Variants in TACC1 observed in about 807,000 individuals in gnomAD.
TACC1 encodes the protein transforming acidic coiled-coil containing protein 1.
Under a neutral mutation model 84.4 loss-of-function variants are expected in TACC1, and 48 were observed. That is an observed-to-expected ratio of 0.57 (90% CI 0.45 to 0.72). The LOEUF (loss-of-function observed/expected upper bound fraction) is 0.72, where lower values mean the gene tolerates loss of function less well. Among genes scored for constraint, TACC1 ranks in the 30% least tolerant of loss-of-function variants. The pLI is 0.00. For synonymous variants in TACC1, 372 were observed against 376.3 expected, an observed-to-expected ratio of 0.99 and a Z score of 0.13; for missense variants, 920 against 973.0, an observed-to-expected ratio of 0.95 and a Z score of 0.72.
chr8:38,846,463 C>A, intron 11 of TACC1: 16 of 355,406 alleles, frequency 4.5e-5, no homozygotes, highest in Non-Finnish European at 7.1e-5. Flanking sequence ...AAATCTAAGA[C>A]TGTTATAGAA....
In TACC1 at chr8:38,827,537, A is replaced by G. The variant is rs913792282; in HGVS notation, c.1660+162A>G. On this transcript the variant is annotated intron_variant, in intron 5 of 12. Coordinates refer to ENST00000317827, the MANE Select transcript of TACC1 (RefSeq NM_006283.3). The stretch of plus-strand genomic sequence containing the variant: ...TTGCTTCTTTACCTGGAAAAGGGAC[A>G]CAAAGTGCTTATTGAAGTACTAGGA... 5.8e-6 allele frequency: 4 copies of G among 693,054 alleles called. No homozygotes were observed. The African/African-American group carries it at 7.2e-5, about 12-fold the overall frequency. The allele number at this position is 693,054 out of a possible 1,614,324, so 42.9% of individuals were successfully genotyped here.
chr8:38,744,627 GA>G (rs1807718752), intron 2 of TACC1, among the ~76,000 whole-genome samples: 1 of 152,150 alleles, frequency 6.6e-6, no homozygotes, highest in Non-Finnish European at 1.5e-5. Context: ...TTTGAGAGAT[GA>G]CAGACTTATT....
chr8:38,820,377 C>A lies in TACC1; in HGVS notation c.1133C>A (p.Ser378Tyr). 6.2e-7 allele frequency: 1 copy of A among 1,614,148 alleles called. No homozygotes were observed. ...TDPVARDGPL[S>Y]QTSSKPDPSQ... ...CCAGTGGCACGAGACGGGCCTCTCT[C>A]CCAAACATCTTCCAAGCCAGATCCT... The change falls in exon 3 of 13, where the codon TCC becomes TAC. Residue 378 changes from serine (S) to tyrosine (Y), a missense_variant. By Grantham distance (144) the Ser-to-Tyr change is moderately radical. Coordinates refer to ENST00000317827, the MANE Select transcript of TACC1 (RefSeq NM_006283.3).
chr8:38,796,814 G>A (rs776230704), intron 2 of TACC1, among the ~76,000 whole-genome samples: 2 of 152,222 alleles, frequency 1.3e-5, no homozygotes, highest in Admixed American at 6.5e-5. Flanking sequence ...CTGTTTTATG[G>A]TAGATAGAGG....
intron 1 of TACC1, among the ~76,000 whole-genome samples, chr8:38,729,262 G>A (rs553730756): frequency 6.6e-6 from 1 of 152,344 alleles, no homozygotes; most frequent in African/African-American, 2.4e-5. Flanking sequence ...TCCGGGTGCA[G>A]GGATGTGGCA....
chr8:38,770,962 G>GC (rs1449824414), intron 3 of TACC1, among the ~76,000 whole-genome samples: 1 of 152,118 alleles, frequency 6.6e-6, no homozygotes, highest in East Asian at 1.9e-4. Flanking sequence ...GCACCCACCA[G>GC]CCCAGGGAAT....
chr8:38,786,262 A>G (rs961189629), upstream of TACC1, among the ~76,000 whole-genome samples: 1 of 152,196 alleles, frequency 6.6e-6, no homozygotes, highest in Non-Finnish European at 1.5e-5. Flanking sequence ...CAATCCCTAC[A>G]TGAAATCCCT....
chr8:38,806,088 G>T (rs1822627607), intron 2 of TACC1, among the ~76,000 whole-genome samples: 1 of 152,178 alleles, frequency 6.6e-6, no homozygotes, highest in South Asian at 2.1e-4. Flanking sequence ...CACTAATGAG[G>T]ACAGAGTAGA....
chr8:38,846,283 C>CAAAAAAAAA (rs538545237), intron 11 of TACC1: 1 of 59,654 alleles, frequency 1.7e-5, no homozygotes, highest in African/African-American at 7.0e-5. Flanking sequence ...GACTCCATCT[C>CAAAAAAAAA]AAAAAAAAAA....
Position 38,733,031 on chromosome 8 carries a change from C to T in TACC1, c.-675+4360C>T, listed in dbSNP as rs113100289. Among the ~76,000 whole-genome samples, 78 of 152,148 alleles carry T rather than the reference C, an allele frequency of 5.1e-4. 1 individual carries two copies. Among genetic ancestry groups the T allele is most frequent in the Non-Finnish European group, 8.7e-4 (59 of 68,040 alleles). Reference sequence around the variant, plus strand: ...GACTCGGCACCGGACAGGAGATGCACGGCATAATTGCATCTGAGCAAGGAG... The same window carrying T: ...GACTCGGCACCGGACAGGAGATGCATGGCATAATTGCATCTGAGCAAGGAG... On this transcript the variant is annotated intron_variant, in intron 1 of 14. Coordinates refer to the TACC1 transcript ENST00000518415.
intron 1 of TACC1, among the ~76,000 whole-genome samples, chr8:38,738,568 C>T (rs1563747065): frequency 6.6e-6 from 1 of 152,000 alleles, no homozygotes; most frequent in East Asian, 1.9e-4. Context: ...TCAAATTGTT[C>T]CAGCTTCGCC....
At chr8:38,809,709 G>A (rs1290047661) in intron 2 of TACC1, among the ~76,000 whole-genome samples, 1 of 152,088 alleles carries the variant, frequency 6.6e-6, no homozygotes, top group Non-Finnish European at 1.5e-5. Flanking sequence ...TGGGACTGAT[G>A]GTGAAGGAGT....
chr8:38,833,212 CAT>C (rs1829603513), intron 6 of TACC1, among the ~76,000 whole-genome samples: 2 of 152,196 alleles, frequency 1.3e-5, no homozygotes, highest in Non-Finnish European at 2.9e-5. Context: ...AGCCTGAAGC[CAT>C]AGTTTTTAGT....
At position 38,729,311 on chromosome 8, in the gene TACC1, G is replaced by A. The variant is rs572880613; in HGVS notation, c.-675+640G>A. On this transcript the variant is annotated intron_variant, in intron 1 of 14. Transcript: ENST00000518415. ...GGGCCCTTGAGCATCAGTGCCCTGCGTTTATGGACAGAACTCAGGTGCTGT... is the reference window on the plus strand; with the variant it reads ...GGGCCCTTGAGCATCAGTGCCCTGCATTTATGGACAGAACTCAGGTGCTGT... Among the ~76,000 whole-genome samples the A allele has an allele frequency of 3.5e-4, 54 of 152,304 alleles. 1 individual carries two copies. The South Asian group carries it at 0.011, about 31-fold the overall frequency.
At chr8:38,756,561 T>G (rs192056687) in intron 3 of TACC1, among the ~76,000 whole-genome samples, 1 of 152,196 alleles carries the variant, frequency 6.6e-6, no homozygotes, top group Admixed American at 6.5e-5. Flanking sequence ...GTTTGTTTGT[T>G]TGTTTGTTTT....
Position 38,840,280 on chromosome 8 carries a change from T to A in TACC1, c.1960+13T>A. 6.2e-7 allele frequency: 1 copy of A among 1,611,772 alleles called. No individual in the cohort carries two copies. Among genetic ancestry groups the A allele is most frequent in the South Asian group, 1.1e-5 (1 of 90,976 alleles). On this transcript the variant is annotated intron_variant, in intron 9 of 12. Coordinates refer to ENST00000317827, the MANE Select transcript of TACC1 (RefSeq NM_006283.3). Reference sequence around the variant, plus strand: ...GCTCAAATGATTGGTAAGGAGAACATTTTGTTTTTTGAGGGTATGAGCCAT... The same window carrying A: ...GCTCAAATGATTGGTAAGGAGAACAATTTGTTTTTTGAGGGTATGAGCCAT...
intron 3 of TACC1, among the ~76,000 whole-genome samples, chr8:38,747,093 T>A (rs1808225940): frequency 6.6e-6 from 1 of 152,146 alleles, no homozygotes; most frequent in South Asian, 2.1e-4. Flanking sequence ...GCCAAAAAAT[T>A]TGAAAAGCTG....
intron 1 of TACC1, among the ~76,000 whole-genome samples, chr8:38,733,243 T>C (rs1311509476): frequency 6.6e-6 from 1 of 151,398 alleles, no homozygotes; most frequent in African/African-American, 2.4e-5. Flanking sequence ...AGCTGTGGAC[T>C]CCCACCAAGC....
At chr8:38,821,097 C>T (rs1398857759) in intron 3 of TACC1, among the ~76,000 whole-genome samples, 7 of 151,648 alleles carry the variant, frequency 4.6e-5, no homozygotes, top group Admixed American at 2.6e-4. Flanking sequence ...CCCAGCCACC[C>T]GGGAGGCTGA....
Sources: gnomAD v4.1 joint callset for allele counts (sites outside exome capture counted in the v4.1 genomes callset) on GRCh38, gnomAD v4.1.1 for gene constraint, MANE v1.5 for transcripts, NCBI Gene and HGNC (gene_info 2026-07-23, HGNC 2026-07-21) for gene names.